The following PTPN13 variants were observed in gnomAD, a reference collection of about 807,000 sequenced individuals.
The protein encoded by PTPN13 is tyrosine-protein phosphatase non-receptor type 13.
In PTPN13, 191 loss-of-function variants were observed where a neutral mutation model predicts 284.0. The observed-to-expected ratio is 0.67, with a 90% CI of 0.60 to 0.76. PTPN13 has a LOEUF of 0.76. Among genes scored for constraint, PTPN13 ranks in the 30% least tolerant of loss-of-function variants. The pLI is 0.00. For missense variants in PTPN13, 2,797 were observed against 2,939.9 expected, an observed-to-expected ratio of 0.95 and a Z score of 1.12; for synonymous variants, 986 against 1,022.3, an observed-to-expected ratio of 0.96 and a Z score of 0.68.
At chr4:86,773,222 G>A (rs928522528) in intron 32 of PTPN13, among the ~76,000 whole-genome samples, 2 of 152,068 alleles carry the variant, frequency 1.3e-5, no homozygotes, top group African/African-American at 2.4e-5. Context: ...TCTGAGTCTT[G>A]GTAACTTTGA....
At chr4:86,704,868 C>T (rs942253802) in intron 7 of PTPN13, among the ~76,000 whole-genome samples, 6 of 152,116 alleles carry the variant, frequency 3.9e-5, no homozygotes, top group African/African-American at 1.4e-4. Flanking sequence ...CTTAAACCTC[C>T]ATTATTATAT....
intron 32 of PTPN13, 37 bp downstream of exon 32, chr4:86,772,995 A>G: frequency 7.2e-7 from 1 of 1,394,682 alleles, no homozygotes. Flanking sequence ...AAAAATCCAT[A>G]TTTTTTAAAA....
chr4:86,655,432 G>A (rs185696116), intron 2 of PTPN13, among the ~76,000 whole-genome samples: 1 of 152,222 alleles, frequency 6.6e-6, no homozygotes, highest in East Asian at 1.9e-4. Context: ...TTTAGGGCAG[G>A]CTTGGTGGTG....
At chr4:86,603,692 CATTAT>C (rs1011419828) in intron 1 of PTPN13, among the ~76,000 whole-genome samples, 2 of 151,982 alleles carry the variant, frequency 1.3e-5, no homozygotes, top group African/African-American at 4.8e-5. Context: ...TGAGTCATTA[CATTAT>C]ATGTTTTACA....
intron 35 of PTPN13, 52 bp downstream of exon 35, chr4:86,775,704 G>A (rs1740560314): frequency 3.0e-6 from 4 of 1,334,728 alleles, no homozygotes; most frequent in East Asian, 2.4e-5. Context: ...TGCATTTCAG[G>A]TCATTGATTA....
intron 1 of PTPN13, among the ~76,000 whole-genome samples, chr4:86,622,101 C>A (rs1031276339): frequency 6.6e-6 from 1 of 152,132 alleles, no homozygotes; most frequent in African/African-American, 2.4e-5. Context: ...TCATTACAAC[C>A]CCCTGTGTTT....
chr4:86,786,345 TCTC>T (rs1004276678), intron 40 of PTPN13, among the ~76,000 whole-genome samples: 1 of 152,136 alleles, frequency 6.6e-6, no homozygotes, highest in Non-Finnish European at 1.5e-5. Context: ...CTGGGATAAT[TCTC>T]CTCATTATCC....
chr4:86,775,044 C>G (rs1463020347), intron 33 of PTPN13, 127 bp from the exon 34 acceptor site: 2 of 605,066 alleles, frequency 3.3e-6, no homozygotes, highest in Non-Finnish European at 5.4e-6. Flanking sequence ...AATTAGAGAT[C>G]ACTGTTGTGA....
At chr4:86,797,205 C>T (rs1743441414) in intron 41 of PTPN13, among the ~76,000 whole-genome samples, 1 of 151,420 alleles carries the variant, frequency 6.6e-6, no homozygotes, top group South Asian at 2.1e-4. Context: ...ACTAAAAATA[C>T]AAGAACCCAG....
At chr4:86,722,012 G>T (rs994670119) in intron 9 of PTPN13, among the ~76,000 whole-genome samples, 200 bp from the exon 10 acceptor site, 2 of 151,936 alleles carry the variant, frequency 1.3e-5, no homozygotes, top group African/African-American at 2.4e-5. Context: ...CTCCCAAAGT[G>T]CTGGGATTGC....
intron 42 of PTPN13, among the ~76,000 whole-genome samples, chr4:86,799,853 T>TTTTTTTTG (rs1475922626): frequency 1.5e-5 from 2 of 134,646 alleles, no homozygotes; most frequent in African/African-American, 5.6e-5. Flanking sequence ...TTTTTTTTTT[T>TTTTTTTTG]GAGACAGAGT....
chr4:86,630,161 A>T (rs1722314645), intron 1 of PTPN13, among the ~76,000 whole-genome samples: 1 of 152,132 alleles, frequency 6.6e-6, no homozygotes, highest in South Asian at 2.1e-4. Context: ...TCTCATTTTC[A>T]AATTTAGTCA....
At chr4:86,716,066 T>A (rs1047272741) in intron 7 of PTPN13, among the ~76,000 whole-genome samples, 1 of 152,222 alleles carries the variant, frequency 6.6e-6, no homozygotes, top group Non-Finnish European at 1.5e-5. Context: ...TTGAGATTGT[T>A]GTGTCTTTAG....
intron 8 of PTPN13, 131 bp downstream of exon 8, chr4:86,716,756 C>T: frequency 5.4e-6 from 4 of 739,218 alleles, no homozygotes; most frequent in Non-Finnish European, 8.6e-6. Context: ...TTTAAAAAAG[C>T]TGCTGGTTAC....
intron 20 of PTPN13, among the ~76,000 whole-genome samples, chr4:86,757,769 A>C (rs978053466): frequency 1.6e-4 from 25 of 152,094 alleles, no homozygotes; most frequent in African/African-American, 6.0e-4. Flanking sequence ...TCTCAAAAAA[A>C]AAAAAAAAAT....
At chr4:86,635,785 G>A (rs112210505) in intron 2 of PTPN13, among the ~76,000 whole-genome samples, 7,036 of 152,064 alleles carry the variant, frequency 0.046, 216 homozygotes, top group African/African-American at 0.06. Flanking sequence ...TGAACATGAT[G>A]AAACCCCATC....
intron 2 of PTPN13, among the ~76,000 whole-genome samples, chr4:86,656,687 G>T (rs1053578975): frequency 6.6e-6 from 1 of 152,208 alleles, no homozygotes; most frequent in Non-Finnish European, 1.5e-5. Flanking sequence ...CCCACTTGAG[G>T]AGGCAGTCTG....
At position 86,775,687 on chromosome 4, in the gene PTPN13, G is replaced by T. The variant is rs141436357; in HGVS notation, c.5891+35G>T. ...AATTATTTATGAGTTTTGATTGTGC[G>T]TGTGTGTGCATTTCAGGTCATTGAT... On this transcript the variant is annotated intron_variant, in intron 35 of 47. Coordinates refer to ENST00000411767, the MANE Select transcript of PTPN13 (RefSeq NM_080683.3). 4 of 1,481,796 alleles carry T rather than the reference G, an allele frequency of 2.7e-6. No homozygotes were observed. The Admixed American group carries it at 7.3e-5, about 27-fold the overall frequency. 91.8% of individuals were successfully genotyped at this position (1,481,796 alleles called of 1,614,324 possible).
chr4:86,625,439 T>A (rs1029030000), intron 1 of PTPN13, among the ~76,000 whole-genome samples: 44 of 152,166 alleles, frequency 2.9e-4, no homozygotes, highest in African/African-American at 9.6e-4. Flanking sequence ...TCTGGTCTAA[T>A]TAAATACCCT....
Sources: gnomAD v4.1 joint callset for allele counts (sites outside exome capture counted in the v4.1 genomes callset) on GRCh38, gnomAD v4.1.1 for gene constraint, MANE v1.5 for transcripts, NCBI Gene and HGNC (gene_info 2026-07-23, HGNC 2026-07-21) for gene names.